MMP20: variants seen among roughly 807,000 people sequenced by gnomAD.
The protein encoded by MMP20 is matrix metallopeptidase 20.
A neutral mutation model predicts 51.8 loss-of-function variants in MMP20; 50 were observed. That is an observed-to-expected ratio of 0.97 (90% CI 0.77 to 1.22). The LOEUF (loss-of-function observed/expected upper bound fraction) is 1.22, where lower values mean the gene tolerates loss of function less well. Ranked by LOEUF, MMP20 falls within the 50% of genes most tolerant of loss-of-function variation. The pLI, the probability that MMP20 is intolerant of heterozygous loss-of-function variation, is 0.00. For synonymous variants in MMP20, 244 were observed against 216.2 expected (o/e 1.13, Z -1.13); for missense variants, 663 against 601.4 (o/e 1.10, Z -1.07).
At chr11:102,581,005 C>T (rs1186893959) in intron 8 of MMP20, among the ~76,000 whole-genome samples, 3 of 152,176 alleles carry the variant, frequency 2.0e-5, no homozygotes, top group African/African-American at 7.2e-5. Context: ...GTCCAAAGAG[C>T]TCAACAGATA....
Position 102,611,822 on chromosome 11 carries a change from G to C in MMP20, c.456C>G (p.Ala152=). ...VEMALQAWSS[A]VPLSFVRINS... ...TTATTCTGACAAAGCTCAGAGGGAC[G>C]GCGCTACTCCAGGCCTGCAAGGCCA... The change falls in exon 3 of 10, where the codon GCC becomes GCG. Residue 152 remains alanine (A), a synonymous_variant. Transcript: ENST00000260228. 17 of 1,614,200 alleles carry C rather than the reference G, an allele frequency of 1.1e-5. No individual in the cohort carries two copies. Among genetic ancestry groups the C allele is most frequent in the Non-Finnish European group, 1.4e-5 (17 of 1,180,042 alleles).
At position 102,617,077 on chromosome 11, in the gene MMP20, G is replaced by A. The variant is rs1859682514; in HGVS notation, c.127-18C>T. On this transcript the variant is annotated intron_variant, in intron 1 of 9. Transcript: ENST00000260228. ...AGATACGCCTGAAATGGAGAGGCAG[G>A]CTGACGCGTCTACAGCGTAGTCTGG... 6.2e-7 allele frequency: 1 copy of A among 1,614,132 alleles called. No individual in the cohort carries two copies. Among genetic ancestry groups the A allele is most frequent in the African/African-American group, 1.3e-5 (1 of 75,050 alleles).
chr11:102,625,120 T>C (rs781398828), intron 1 of MMP20, 74 bp downstream of exon 1: 6 of 1,584,216 alleles, frequency 3.8e-6, no homozygotes, highest in Non-Finnish European at 5.2e-6. Context: ...AATTTTTTTC[T>C]TATTTTCTCA....
At chr11:102,609,206 T>G in intron 4 of MMP20, 108 bp from the exon 5 acceptor site, 1 of 969,462 alleles carries the variant, frequency 1.0e-6, no homozygotes, top group Non-Finnish European at 1.6e-6. Context: ...ACCCATCTCC[T>G]TCTCCTAACT....
chr11:102,578,769 A>T (rs1003700793), intron 9 of MMP20, among the ~76,000 whole-genome samples: 4 of 103,082 alleles, frequency 3.9e-5, no homozygotes, highest in Non-Finnish European at 5.9e-5. Context: ...AAAAACAAAA[A>T]CAAAAAACAA....
chr11:102,609,693 A>G (rs1018868505), intron 4 of MMP20, among the ~76,000 whole-genome samples: 1 of 152,216 alleles, frequency 6.6e-6, no homozygotes, highest in Non-Finnish European at 1.5e-5. Context: ...TTCAGATGAT[A>G]TGCTATGAAA....
intron 1 of MMP20, among the ~76,000 whole-genome samples, chr11:102,623,281 A>G (rs1366320184): frequency 6.6e-6 from 1 of 152,146 alleles, no homozygotes; most frequent in Non-Finnish European, 1.5e-5. Context: ...CCTGGGCTGC[A>G]CCCGGAAACC....
intron 8 of MMP20, among the ~76,000 whole-genome samples, chr11:102,585,263 C>T (rs1379849207): frequency 6.6e-6 from 1 of 152,084 alleles, no homozygotes; most frequent in Admixed American, 6.6e-5. Context: ...TTAGATCTTG[C>T]TTAATTTCTT....
intron 8 of MMP20, 69 bp from the exon 9 acceptor site, chr11:102,579,211 T>A (rs1859165076): frequency 2.8e-6 from 3 of 1,060,376 alleles, no homozygotes; most frequent in African/African-American, 1.6e-5. Context: ...GACACTATAC[T>A]GGTCAGGCAT....
chr11:102,621,198 G>A (rs534403943), intron 1 of MMP20, among the ~76,000 whole-genome samples: 1 of 152,194 alleles, frequency 6.6e-6, no homozygotes, highest in Non-Finnish European at 1.5e-5. Context: ...AGACAATAGT[G>A]GCTTAGAGCT....
At chr11:102,624,885 C>A (rs1401278720) in intron 1 of MMP20, among the ~76,000 whole-genome samples, 1 of 152,188 alleles carries the variant, frequency 6.6e-6, no homozygotes, top group African/African-American at 2.4e-5. Context: ...CCTCCTACAT[C>A]ATTCCCGGGA....
At chr11:102,579,697 G>A (rs1022331250) in intron 8 of MMP20, among the ~76,000 whole-genome samples, 3 of 152,054 alleles carry the variant, frequency 2.0e-5, no homozygotes, top group African/African-American at 7.2e-5. Context: ...TGAGATTCTG[G>A]TACCACAAGC....
In MMP20 at chr11:102,616,848, C is replaced by T. The variant is rs774629767; in HGVS notation, c.338G>A (p.Gly113Asp). The T allele has an allele frequency of 2.4e-5, 38 of 1,614,036 alleles. No homozygotes were observed. The highest frequency in any genetic ancestry group is 3.1e-5 in the Non-Finnish European group (37 of 1,180,044). Residue 113 changes from glycine (G) to aspartate (D), a missense_variant, in exon 2 of 10, where the codon GGT (glycine) becomes GAT (aspartate). Transcript: ENST00000260228. ...AGTATTTTTTTTCCATTTGGGTTCACCAGGGAAGAGGCGATAATTGGCCAC... is the reference window on the plus strand; with the variant it reads ...AGTATTTTTTTTCCATTTGGGTTCATCAGGGAAGAGGCGATAATTGGCCAC... ...PDVANYRLFP[G>D]EPKWKKNTLT...
At chr11:102,601,833 C>T (rs1226032135) in intron 6 of MMP20, among the ~76,000 whole-genome samples, 1 of 152,202 alleles carries the variant, frequency 6.6e-6, no homozygotes, top group African/African-American at 2.4e-5. Context: ...GTTCTTCTCA[C>T]CAAATTAGTG....
At chr11:102,587,933 T>C (rs1419798104) in intron 8 of MMP20, among the ~76,000 whole-genome samples, 1 of 152,168 alleles carries the variant, frequency 6.6e-6, no homozygotes, top group Non-Finnish European at 1.5e-5. Flanking sequence ...CGGTTTAATC[T>C]ATTCACATTT....
At chr11:102,620,052 G>A (rs775060829) in intron 1 of MMP20, among the ~76,000 whole-genome samples, 1 of 152,050 alleles carries the variant, frequency 6.6e-6, no homozygotes, top group Non-Finnish European at 1.5e-5. Flanking sequence ...TTGTCTCATT[G>A]CACCATAAAC....
intron 6 of MMP20, among the ~76,000 whole-genome samples, chr11:102,604,770 T>C (rs572944610): frequency 6.6e-6 from 1 of 152,340 alleles, no homozygotes; most frequent in East Asian, 1.9e-4. Flanking sequence ...ACATATAATA[T>C]ATAAAGGATG....
intron 6 of MMP20, among the ~76,000 whole-genome samples, chr11:102,603,111 G>T (rs540626351): frequency 6.6e-6 from 1 of 152,318 alleles, no homozygotes; most frequent in African/African-American, 2.4e-5. Flanking sequence ...GACTTTAAAA[G>T]GTACTGCATT....
In MMP20 at chr11:102,577,317, CT is replaced by C. The variant is rs977566715; in HGVS notation, c.*8del. On this transcript the variant is annotated 3_prime_UTR_variant, in exon 10 of 10. Coordinates refer to ENST00000260228, the MANE Select transcript of MMP20 (RefSeq NM_004771.4). The stretch of plus-strand genomic sequence containing the variant: ...ATCCTCATTGCTTGAGAAGACTAGG[CT>C]TTTCTATTTAGCAACCAATCCAGGA... The C allele has an allele frequency of 6.3e-7, 1 of 1,593,464 alleles. No homozygotes were observed. The highest frequency in any genetic ancestry group is 1.3e-5 in the African/African-American group (1 of 74,460).
Sources: allele counts gnomAD v4.1 joint callset (sites outside exome capture counted in the v4.1 genomes callset), GRCh38; gene constraint gnomAD v4.1.1; transcripts MANE v1.5; gene names NCBI Gene and HGNC (gene_info 2026-07-23, HGNC 2026-07-21).